Variants in TACC2 observed in about 807,000 individuals in gnomAD.
TACC2 encodes transforming acidic coiled-coil containing protein 2.
A neutral mutation model predicts 227.3 loss-of-function variants in TACC2; 137 were observed. The ratio of observed to expected loss-of-function variants is 0.60; its 90% CI spans 0.52 to 0.69. The LOEUF (loss-of-function observed/expected upper bound fraction) is 0.69. Ranked by LOEUF, TACC2 falls within the 30% of genes least tolerant of loss-of-function variation. The pLI is 0.00. For missense variants in TACC2, 3,470 were observed against 3,694.4 expected, an observed-to-expected ratio of 0.94 and a Z score of 1.57; for synonymous variants, 1,523 against 1,487.5, an observed-to-expected ratio of 1.02 and a Z score of -0.55.
At position 122,211,441 on chromosome 10, in the gene TACC2, T is replaced by C. The variant is rs750389683; in HGVS notation, c.7016T>C (p.Ile2339Thr). ...GCTAAAGGTACTTACACCTTTGATA[T>C]TGACAAGTGGGATGACCCCAATTTT... ...PIAKGTYTFDIDKWDDPNFNP... is the reference protein window; with the variant it reads ...PIAKGTYTFDTDKWDDPNFNP... The change falls in exon 9 of 23, where the codon ATT (isoleucine) becomes ACT (threonine). Residue 2339 changes from isoleucine to threonine, a missense_variant. By Grantham distance (89) the Ile-to-Thr change is moderately conservative. Around this residue, in one of 10 missense-constraint regions of TACC2, gnomAD observed 593 missense variants for 636.6 expected, o/e 0.93. Transcript: ENST00000369005. 6.2e-6 allele frequency: 10 copies of C among 1,614,106 alleles called. No homozygotes were observed. Among genetic ancestry groups the C allele is most frequent in the East Asian group, 2.2e-5 (1 of 44,880 alleles).
chr10:122,039,100 G>T (rs577945227), intron 2 of TACC2, among the ~76,000 whole-genome samples: 6 of 152,060 alleles, frequency 3.9e-5, no homozygotes, highest in African/African-American at 7.2e-5. Flanking sequence ...CTCAGCCTCC[G>T]GAGTAGCTGG....
At chr10:122,011,663 C>T (rs1955943813) in intron 1 of TACC2, among the ~76,000 whole-genome samples, 1 of 152,096 alleles carries the variant, frequency 6.6e-6, no homozygotes, top group Non-Finnish European at 1.5e-5. Flanking sequence ...TGTGATAGAG[C>T]TTGACACTTG....
At chr10:122,090,775 G>T (rs1195418387) in intron 5 of TACC2, among the ~76,000 whole-genome samples, 1 of 151,650 alleles carries the variant, frequency 6.6e-6, no homozygotes, top group Non-Finnish European at 1.5e-5. Context: ...TTTAGACAGG[G>T]TCTCACTCTG....
At chr10:122,053,375 T>C (rs1013453729) in intron 3 of TACC2, among the ~76,000 whole-genome samples, 4 of 151,700 alleles carry the variant, frequency 2.6e-5, no homozygotes, top group Admixed American at 2.6e-4. Flanking sequence ...CATGATTCAG[T>C]CACCCCCCCA....
intron 16 of TACC2, among the ~76,000 whole-genome samples, chr10:122,234,365 C>G (rs1158306799): frequency 2.6e-5 from 4 of 152,272 alleles, no homozygotes; most frequent in Non-Finnish European, 5.9e-5. Flanking sequence ...GCCATGCCTT[C>G]TGCGTCACAG....
chr10:122,149,625 G>C (rs1453693191), intron 7 of TACC2, among the ~76,000 whole-genome samples: 6 of 152,124 alleles, frequency 3.9e-5, no homozygotes, highest in Non-Finnish European at 5.9e-5. Context: ...CTCCACCCGA[G>C]TTAGAGAAGT....
intron 2 of TACC2, among the ~76,000 whole-genome samples, chr10:122,027,507 A>G (rs1372919683): frequency 6.6e-6 from 1 of 150,818 alleles, no homozygotes; most frequent in Admixed American, 6.6e-5. Flanking sequence ...CCTCCATTAA[A>G]CTGTTTCTGC....
chr10:122,088,468 A>T lies in TACC2; in HGVS notation c.5460-10A>T, dbSNP rs148403524. On this transcript the variant is annotated splice_polypyrimidine_tract_variant and intron_variant, in intron 4 of 22. Transcript: ENST00000369005. Reference sequence around the variant, plus strand: ...ATTATCCTATTAATTGCTTTCTTTTATTATCCCAGAGAGAGCCCCAGGCCT... The same window carrying T: ...ATTATCCTATTAATTGCTTTCTTTTTTTATCCCAGAGAGAGCCCCAGGCCT... 3.1e-6 allele frequency: 5 copies of T among 1,603,308 alleles called. No individual in the cohort carries two copies. The African/African-American group carries it at 6.7e-5, about 22-fold the overall frequency.
intron 8 of TACC2, among the ~76,000 whole-genome samples, chr10:122,195,997 A>C (rs76470165): frequency 0.045 from 6,776 of 152,254 alleles, 547 homozygotes; most frequent in African/African-American, 0.15. Context: ...CTGCAGGGCC[A>C]AACCCCTTCT....
chr10:122,068,348 G>T (rs2136629304), intron 3 of TACC2, among the ~76,000 whole-genome samples: 1 of 152,170 alleles, frequency 6.6e-6, no homozygotes, highest in East Asian at 1.9e-4. Context: ...TTTGTTATGG[G>T]TCACATTTCC....
At chr10:122,056,126 G>A (rs2136296823) in intron 3 of TACC2, among the ~76,000 whole-genome samples, 1 of 152,370 alleles carries the variant, frequency 6.6e-6, no homozygotes, top group South Asian at 2.1e-4. Context: ...CGCCTCTGGG[G>A]AGTCTGATGC....
intron 5 of TACC2, among the ~76,000 whole-genome samples, chr10:122,121,424 C>T (rs1326042292): frequency 6.6e-6 from 1 of 152,162 alleles, no homozygotes; most frequent in African/African-American, 2.4e-5. Flanking sequence ...CAAGGTTGTA[C>T]AGCTCTTTAT....
At position 122,237,425 on chromosome 10, in the gene TACC2, A is replaced by G. The variant is rs753914817; in HGVS notation, c.8158A>G (p.Ile2720Val). 1.5e-5 allele frequency: 24 copies of G among 1,613,810 alleles called. No individual in the cohort carries two copies. The highest frequency in any genetic ancestry group is 6.7e-5 in the East Asian group (3 of 44,866). The change falls in exon 17 of 23, where the codon ATC becomes GTC. Residue 2720 changes from isoleucine (I) to valine (V), a missense_variant. Coordinates refer to ENST00000369005, the MANE Select transcript of TACC2 (RefSeq NM_206862.4). Reference sequence around the variant, plus strand: ...GGCTGCTCACCCAACAGACGTCTCCATCTCCAAAACAGCCTTGTACTCCCG... The same window carrying G: ...GGCTGCTCACCCAACAGACGTCTCCGTCTCCAAAACAGCCTTGTACTCCCG... ...REAAHPTDVS[I>V]SKTALYSRIG... is the part of the protein sequence containing the mutation.
At position 122,143,588 on chromosome 10, in the gene TACC2, G is replaced by A; in HGVS notation, c.5716G>A (p.Ala1906Thr). 6.2e-7 allele frequency: 1 copy of A among 1,614,094 alleles called. No individual in the cohort carries two copies. Among genetic ancestry groups the A allele is most frequent in the Non-Finnish European group, 8.5e-7 (1 of 1,179,942 alleles). ...TGTCCCCAGCATCTCCCCAGCTGCT[G>A]CCCATGCGGGTCTTCCTCCCTCGGC... is the stretch of plus-strand genomic sequence containing the variant. ...LIAQSISPAA[A>T]HAGLPPSAAE... is the part of the protein sequence containing the mutation. Residue 1906 changes from alanine to threonine, a missense_variant, in exon 7 of 23, where the codon GCC becomes ACC. Coordinates refer to ENST00000369005, the MANE Select transcript of TACC2 (RefSeq NM_206862.4).
chr10:122,241,715 A>G (rs2095999274), intron 18 of TACC2: 5 of 576,658 alleles, frequency 8.7e-6, no homozygotes, highest in East Asian at 2.9e-5. Flanking sequence ...GGCATGCACC[A>G]CTCTACCTGG....
chr10:122,076,994 A>G (rs1035035891), intron 3 of TACC2, among the ~76,000 whole-genome samples: 5 of 152,022 alleles, frequency 3.3e-5, no homozygotes, highest in Non-Finnish European at 7.4e-5. Flanking sequence ...AAAGGCCTGT[A>G]ATCCCAGCCA....
chr10:121,991,369 C>T (rs939013099), intron 1 of TACC2, among the ~76,000 whole-genome samples: 3 of 152,134 alleles, frequency 2.0e-5, no homozygotes, highest in South Asian at 2.1e-4. Context: ...GTTTTCTTTG[C>T]GCTGTCCGCC....
intron 3 of TACC2, among the ~76,000 whole-genome samples, chr10:122,077,591 C>T (rs1284136195): frequency 1.3e-5 from 2 of 152,080 alleles, no homozygotes; most frequent in South Asian, 2.1e-4. Context: ...GAGAGCAAAG[C>T]GAAGCCACAG....
chr10:122,245,176 C>T (rs1281641848), intron 19 of TACC2: 1 of 152,100 alleles, frequency 6.6e-6, no homozygotes, highest in Non-Finnish European at 1.5e-5. Flanking sequence ...TTGCTGCATT[C>T]CCCCCACATG....
Sources: gnomAD v4.1 joint callset for allele counts (sites outside exome capture counted in the v4.1 genomes callset) on GRCh38, gnomAD v4.1.1 for gene constraint, gnomAD v4.1.1 regional missense constraint, MANE v1.5 for transcripts, NCBI Gene and HGNC (gene_info 2026-07-23, HGNC 2026-07-21) for gene names.